The following MLLT1 variants were observed in gnomAD, a reference collection of about 807,000 sequenced individuals.
MLLT1 encodes the protein protein ENL.
Under a neutral mutation model 55.1 loss-of-function variants are expected in MLLT1, and 11 were observed. The observed-to-expected ratio is 0.20, with a 90% CI of 0.13 to 0.33. The LOEUF (loss-of-function observed/expected upper bound fraction) is 0.33. Ranked by LOEUF, MLLT1 falls within the 10% of genes least tolerant of loss-of-function variation. MLLT1 has a pLI of 1.00. For missense variants in MLLT1, 536 were observed against 760.6 expected (o/e 0.70, Z 3.47); for synonymous variants, 323 against 320.1 (o/e 1.01, Z -0.10).
chr19:6,214,207 C>T (rs1167734118), intron 8 of MLLT1, among the ~76,000 whole-genome samples, 169 bp from the exon 9 acceptor site: 1 of 151,924 alleles, frequency 6.6e-6, no homozygotes, highest in Non-Finnish European at 1.5e-5. Flanking sequence ...CTGTGTGTGG[C>T]CACCAAGAGG....
In MLLT1 at chr19:6,243,332, C is replaced by G. The variant is rs946681301; in HGVS notation, c.277-12619G>C. Among the ~76,000 whole-genome samples the G allele has an allele frequency of 1.1e-4, 16 of 152,306 alleles. No homozygotes were observed. The East Asian group carries it at 2.9e-3, about 28-fold the overall frequency. On this transcript the variant is annotated intron_variant, in intron 3 of 11. Coordinates refer to ENST00000252674, the MANE Select transcript of MLLT1 (RefSeq NM_005934.4). ...AAAGCCTCCCAGGTCAGCTCTGCAGCCCCTCCCGAGGCCCTCACCCTGCCT... is the reference window on the plus strand; with the variant it reads ...AAAGCCTCCCAGGTCAGCTCTGCAGGCCCTCCCGAGGCCCTCACCCTGCCT...
rs752869814 is a variant in MLLT1 at position 6,240,720 on chromosome 19, C to T, written c.277-10007G>A. Among the ~76,000 whole-genome samples the T allele has an allele frequency of 6.6e-6, 1 of 152,036 alleles. No individual in the cohort carries two copies. The highest frequency in any genetic ancestry group is 2.4e-5 in the African/African-American group (1 of 41,400). On this transcript the variant is annotated intron_variant, in intron 3 of 11. Transcript: ENST00000252674. This position sits in a 1 kb window ranked among gnomAD's most constrained non-coding sequence, Gnocchi z 4.7. Reference sequence around the variant, plus strand: ...ACCCCACACTCAGCTACGAACCTCCCGAGACAGCAGGAGAATTCAGGGGCA... The same window carrying T: ...ACCCCACACTCAGCTACGAACCTCCTGAGACAGCAGGAGAATTCAGGGGCA...
chr19:6,237,934 C>T (rs751157415), intron 3 of MLLT1, among the ~76,000 whole-genome samples: 3 of 151,946 alleles, frequency 2.0e-5, no homozygotes, highest in African/African-American at 7.3e-5. Context: ...GAGATCTCAT[C>T]TCTACAAAAA....
Position 6,235,948 on chromosome 19 carries a change from T to C in MLLT1, c.277-5235A>G, listed in dbSNP as rs1323358453. On this transcript the variant is annotated intron_variant, in intron 3 of 11. Transcript: ENST00000252674. The surrounding 1 kb of genome is among the most constrained non-coding windows in gnomAD (Gnocchi z 5.5). ...ACAGCTCACTCTCTGCCAGCTCTCC[T>C]TACAGTCCAAAGCATGTCTGTCTTC... 1.3e-5 allele frequency among the ~76,000 whole-genome samples: 2 copies of C among 151,566 alleles called. No homozygotes were observed. The highest frequency in any genetic ancestry group is 2.1e-4 in the South Asian group (1 of 4,756).
chr19:6,228,888 G>A (rs115310879), intron 4 of MLLT1, among the ~76,000 whole-genome samples: 3,445 of 152,236 alleles, frequency 0.023, 143 homozygotes, highest in African/African-American at 0.079. Flanking sequence ...CCCCCACGGC[G>A]CCTGCTTCAG....
chr19:6,226,208 G>C lies in MLLT1; in HGVS notation c.546+769C>G, dbSNP rs2090955366. On this transcript the variant is annotated intron_variant, in intron 5 of 11. Transcript: ENST00000252674. This position sits in a 1 kb window ranked among gnomAD's most constrained non-coding sequence, Gnocchi z 6.3. The stretch of plus-strand genomic sequence containing the variant: ...GAAAGGAGAGGACCGGTGGAGAGAT[G>C]TGTGGGTGGCAGGCACCGGGCAGCT... Among the ~76,000 whole-genome samples the C allele has an allele frequency of 6.6e-6, 1 of 152,250 alleles. No individual in the cohort carries two copies. The highest frequency in any genetic ancestry group is 6.5e-5 in the Admixed American group (1 of 15,290).
At chr19:6,244,827 A>G (rs1480694164) in intron 3 of MLLT1, among the ~76,000 whole-genome samples, 1 of 152,178 alleles carries the variant, frequency 6.6e-6, no homozygotes, top group African/African-American at 2.4e-5. Flanking sequence ...AAATAAGCAC[A>G]TGAAAACGAT....
intron 2 of MLLT1, among the ~76,000 whole-genome samples, chr19:6,265,049 C>CAAAAAA (rs2091336941): frequency 4.3e-5 from 1 of 23,300 alleles, no homozygotes; most frequent in South Asian, 1.8e-3. Flanking sequence ...AAAAAAAAAA[C>CAAAAAA]AAAAAAACAA....
intron 1 of MLLT1, among the ~76,000 whole-genome samples, chr19:6,271,337 C>T (rs1568298765): frequency 6.6e-6 from 1 of 152,222 alleles, no homozygotes; most frequent in South Asian, 2.1e-4. Context: ...CAGCGCCTCC[C>T]GGAGGCCCCT....
rs1216314565 is a variant in MLLT1 at position 6,273,953 on chromosome 19, AG to A, written c.13-3195del. Among the ~76,000 whole-genome samples, 1 of 152,268 alleles carries A rather than the reference AG, an allele frequency of 6.6e-6. No homozygotes were observed. The highest frequency in any genetic ancestry group is 1.9e-4 in the East Asian group (1 of 5,198). ...TGGAGAGGGGGAGGATGGAAGCACC[AG>A]AACTCCACCGCAGTGGCCAAAGTAA... On this transcript the variant is annotated intron_variant, in intron 1 of 11. Transcript: ENST00000252674. This position sits in a 1 kb window ranked among gnomAD's most constrained non-coding sequence, Gnocchi z 4.3.
Position 6,213,105 on chromosome 19 carries a change from G to C in MLLT1, c.1617C>G (p.Leu539=). 1 of 1,613,958 alleles carries C rather than the reference G, an allele frequency of 6.2e-7. No individual in the cohort carries two copies. The highest frequency in any genetic ancestry group is 8.5e-7 in the Non-Finnish European group (1 of 1,179,880). The change falls in exon 12 of 12, where the codon CTC becomes CTG. Residue 539 remains leucine, a synonymous_variant. Transcript: ENST00000252674. ...NVTNTTFDFD[L]FSLDETTVRK... Reference sequence around the variant, plus strand: ...GCACGGTGGTCTCGTCCAGGGAGAAGAGGTCGAAGTCGAAGGTGGTGTTGG... The same window carrying C: ...GCACGGTGGTCTCGTCCAGGGAGAACAGGTCGAAGTCGAAGGTGGTGTTGG...
At chr19:6,243,625 C>T (rs748803559) in intron 3 of MLLT1, among the ~76,000 whole-genome samples, 2 of 151,068 alleles carry the variant, frequency 1.3e-5, no homozygotes, top group African/African-American at 2.5e-5. Flanking sequence ...GGATGAGCAG[C>T]TCTGCCCACC....
rs1255966414 is a variant in MLLT1, at chr19:6,231,041, C to G, written c.277-328G>C. Among the ~76,000 whole-genome samples, 1 of 152,220 alleles carries G rather than the reference C, an allele frequency of 6.6e-6. No homozygotes were observed. The highest frequency in any genetic ancestry group is 6.5e-5 in the Admixed American group (1 of 15,280). ...GACAGGGAAACCGACGCACAGACACCAACTAACACGTGGCAGCACTGAGAC... is the reference window on the plus strand; with the variant it reads ...GACAGGGAAACCGACGCACAGACACGAACTAACACGTGGCAGCACTGAGAC... On this transcript the variant is annotated intron_variant, in intron 3 of 11. Transcript: ENST00000252674. The surrounding 1 kb of genome is among the most constrained non-coding windows in gnomAD (Gnocchi z 5.1).
chr19:6,274,203 G>C (rs962756911), intron 1 of MLLT1, among the ~76,000 whole-genome samples: 2 of 152,218 alleles, frequency 1.3e-5, no homozygotes, highest in African/African-American at 4.8e-5. Context: ...TCCCCGGAAG[G>C]GTGGAATAAC....
At chr19:6,278,891 G>A (rs1293568589) in intron 1 of MLLT1, among the ~76,000 whole-genome samples, 1 of 152,118 alleles carries the variant, frequency 6.6e-6, no homozygotes, top group East Asian at 1.9e-4. Context: ...GCGGCAGGGT[G>A]GGTCAAAGAA....
chr19:6,232,554 G>T (rs1329557800), intron 3 of MLLT1, among the ~76,000 whole-genome samples: 1 of 152,182 alleles, frequency 6.6e-6, no homozygotes, highest in Non-Finnish European at 1.5e-5. Context: ...AACACCAAAA[G>T]CACAGGCAAC....
intron 4 of MLLT1, among the ~76,000 whole-genome samples, chr19:6,228,034 C>T (rs1568280085): frequency 2.0e-5 from 3 of 152,228 alleles, no homozygotes; most frequent in African/African-American, 7.2e-5. Context: ...TGATGTCATG[C>T]GGCCATGGGG....
chr19:6,217,528 CT>C (rs1486387432), intron 7 of MLLT1, among the ~76,000 whole-genome samples: 1 of 152,240 alleles, frequency 6.6e-6, no homozygotes, highest in African/African-American at 2.4e-5. Flanking sequence ...GGAGAGGGCA[CT>C]CCAAACACTC....
rs1328386609 is a variant in MLLT1, at chr19:6,235,736, G to A, written c.277-5023C>T. Among the ~76,000 whole-genome samples the A allele has an allele frequency of 3.3e-5, 5 of 152,248 alleles. No homozygotes were observed. The highest frequency in any genetic ancestry group is 4.1e-4 in the South Asian group (2 of 4,824). ...TCCACCACAGCCCCCTTTCAGGCAC[G>A]GTATCTCCATGGGCTCAGGGCTCAC... On this transcript the variant is annotated intron_variant, in intron 3 of 11. Coordinates refer to ENST00000252674, the MANE Select transcript of MLLT1 (RefSeq NM_005934.4). The surrounding 1 kb of genome is among the most constrained non-coding windows in gnomAD (Gnocchi z 5.5).
Sources: gnomAD v4.1 joint callset for allele counts (sites outside exome capture counted in the v4.1 genomes callset) on GRCh38, gnomAD v4.1.1 for gene constraint, Gnocchi (gnomAD v3.1) non-coding constraint, MANE v1.5 for transcripts, NCBI Gene and HGNC (gene_info 2026-07-23, HGNC 2026-07-21) for gene names.